The following TYR variants were observed in gnomAD, a reference collection of about 807,000 sequenced individuals.
TYR encodes the protein LB24-AB.
A neutral mutation model predicts 51.5 loss-of-function variants in TYR; 58 were observed. The ratio of observed to expected loss-of-function variants is 1.13; its 90% CI spans 0.91 to 1.40. The LOEUF is 1.40. Ranked by LOEUF, TYR falls within the 40% of genes most tolerant of loss-of-function variation. The pLI, the probability that TYR is intolerant of heterozygous loss-of-function variation, is 0.00. For synonymous variants in TYR, 263 were observed against 235.2 expected, an observed-to-expected ratio of 1.12 and a Z score of -1.08; for missense variants, 732 against 647.4, an observed-to-expected ratio of 1.13 and a Z score of -1.42.
chr11:89,272,026 T>C (rs772264707), intron 3 of TYR, among the ~76,000 whole-genome samples: 14 of 151,882 alleles, frequency 9.2e-5, no homozygotes, highest in Non-Finnish European at 1.8e-4. Flanking sequence ...TCCACTGAAG[T>C]CTTGAACCCC....
intron 3 of TYR, among the ~76,000 whole-genome samples, chr11:89,263,129 C>T (rs1056119350): frequency 6.6e-6 from 1 of 151,586 alleles, no homozygotes; most frequent in Admixed American, 6.6e-5. Context: ...AAAAACTGCC[C>T]AGCAGCATAT....
intron 4 of TYR, among the ~76,000 whole-genome samples, chr11:89,292,789 C>A (rs1944864684): frequency 6.6e-6 from 1 of 152,068 alleles, no homozygotes; most frequent in Non-Finnish European, 1.5e-5. Context: ...AGTTGTTCAT[C>A]CATTTATGGC....
At chr11:89,241,809 T>A (rs1944199009) in intron 3 of TYR, among the ~76,000 whole-genome samples, 1 of 148,050 alleles carries the variant, frequency 6.8e-6, no homozygotes, top group Non-Finnish European at 1.5e-5. Flanking sequence ...ATATACTATA[T>A]AATATAGTAT....
At chr11:89,249,174 C>T (rs996501775) in intron 3 of TYR, among the ~76,000 whole-genome samples, 2 of 151,906 alleles carry the variant, frequency 1.3e-5, no homozygotes, top group African/African-American at 4.8e-5. Flanking sequence ...AAGAGAGAAC[C>T]AGGTTAGATA....
chr11:89,218,419 G>A (rs987593942), intron 2 of TYR, among the ~76,000 whole-genome samples: 5 of 151,930 alleles, frequency 3.3e-5, no homozygotes, highest in African/African-American at 1.2e-4. Flanking sequence ...ATAATCCAAA[G>A]AAAATAAATG....
At chr11:89,218,261 G>A (rs1405287044) in intron 2 of TYR, among the ~76,000 whole-genome samples, 1 of 152,084 alleles carries the variant, frequency 6.6e-6, no homozygotes, top group African/African-American at 2.4e-5. Flanking sequence ...AGCAACTAAA[G>A]CTACATGTTT....
intron 3 of TYR, among the ~76,000 whole-genome samples, chr11:89,239,479 G>A (rs1447613384): frequency 6.6e-6 from 1 of 151,664 alleles, no homozygotes; most frequent in East Asian, 1.9e-4. Flanking sequence ...ATAAAGGTAT[G>A]TCAATTTTGT....
intron 2 of TYR, among the ~76,000 whole-genome samples, chr11:89,224,130 A>T (rs1943947241): frequency 6.6e-6 from 1 of 152,138 alleles, no homozygotes; most frequent in African/African-American, 2.4e-5. Context: ...GAGATGCGTG[A>T]TGCTAGGGTG....
chr11:89,262,904 A>G (rs945726492), intron 3 of TYR, among the ~76,000 whole-genome samples: 3 of 149,270 alleles, frequency 2.0e-5, no homozygotes, highest in East Asian at 2.0e-4. Context: ...AAATCTCAGG[A>G]CAAGATAGCT....
chr11:89,180,083 T>C (rs1379643522), intron 1 of TYR, among the ~76,000 whole-genome samples: 1 of 152,220 alleles, frequency 6.6e-6, no homozygotes, highest in Non-Finnish European at 1.5e-5. Flanking sequence ...ATAGCCACTG[T>C]ATAATTTCTG....
chr11:89,183,444 A>G (rs1772592136), intron 1 of TYR, among the ~76,000 whole-genome samples: 1 of 152,116 alleles, frequency 6.6e-6, no homozygotes, highest in African/African-American at 2.4e-5. Context: ...AGGTAGAATT[A>G]CCATCTATAC....
intron 2 of TYR, among the ~76,000 whole-genome samples, chr11:89,218,772 T>C (rs1384308433): frequency 6.6e-6 from 1 of 152,170 alleles, no homozygotes; most frequent in Non-Finnish European, 1.5e-5. Flanking sequence ...AAACTGAGAT[T>C]CTGATAATTT....
At chr11:89,206,064 A>G (rs1943668705) in intron 2 of TYR, among the ~76,000 whole-genome samples, 1 of 152,140 alleles carries the variant, frequency 6.6e-6, no homozygotes, top group Non-Finnish European at 1.5e-5. Flanking sequence ...GAATTTGTAA[A>G]CATTTTCAAG....
At chr11:89,257,691 A>G (rs1052148261) in intron 3 of TYR, among the ~76,000 whole-genome samples, 1 of 152,000 alleles carries the variant, frequency 6.6e-6, no homozygotes, top group African/African-American at 2.4e-5. Context: ...GCTGCTGCAG[A>G]CCTCATTTTA....
chr11:89,186,648 C>T (rs11018524), intron 1 of TYR, among the ~76,000 whole-genome samples: 34,829 of 152,014 alleles, frequency 0.23, 4,286 homozygotes, highest in Non-Finnish European at 0.28. Context: ...CCTTCTCTAC[C>T]GAGGCTGGCT....
intron 3 of TYR, among the ~76,000 whole-genome samples, chr11:89,259,631 C>T (rs1355817410): frequency 2.0e-5 from 3 of 151,988 alleles, no homozygotes; most frequent in South Asian, 2.1e-4. Flanking sequence ...TAAAATTCCT[C>T]GAATGTTCAT....
intron 2 of TYR, among the ~76,000 whole-genome samples, chr11:89,205,087 CA>C (rs1411084177): frequency 6.6e-6 from 1 of 151,642 alleles, no homozygotes; most frequent in Non-Finnish European, 1.5e-5. Flanking sequence ...AAGAACAAAA[CA>C]AAATTAGAAC....
chr11:89,222,750 A>C (rs1466307148), intron 2 of TYR, among the ~76,000 whole-genome samples: 1 of 151,834 alleles, frequency 6.6e-6, no homozygotes, highest in East Asian at 1.9e-4. Context: ...AAAAAAAAAA[A>C]TTCTATTGTT....
At position 89,247,655 on chromosome 11, in the gene TYR, A is replaced by C. The variant is rs368466460; in HGVS notation, c.1184+19685A>C. On this transcript the variant is annotated intron_variant, in intron 3 of 4. Coordinates refer to ENST00000263321, the MANE Select transcript of TYR (RefSeq NM_000372.5). ...AGAGAATTTCAAGATCATAATTCAA[A>C]TTGTTTATTTTACAAAAAAGGAAAT... Among the ~76,000 whole-genome samples the C allele has an allele frequency of 2.0e-5, 3 of 152,208 alleles. No homozygotes were observed. The East Asian group carries it at 5.8e-4, about 29-fold the overall frequency.
Sources: gnomAD v4.1 joint callset for allele counts (sites outside exome capture counted in the v4.1 genomes callset) on GRCh38, gnomAD v4.1.1 for gene constraint, MANE v1.5 for transcripts, NCBI Gene and HGNC (gene_info 2026-07-23, HGNC 2026-07-21) for gene names.